Variants in DYTN observed in about 807,000 individuals in gnomAD.
DYTN encodes the protein dystrotelin.
DYTN carries 75 observed loss-of-function variants against 69.6 expected under a neutral mutation model. The ratio of observed to expected loss-of-function variants is 1.08; its 90% CI spans 0.89 to 1.31. The LOEUF (loss-of-function observed/expected upper bound fraction) is 1.31, where lower values mean the gene tolerates loss of function less well. Among genes scored for constraint, DYTN ranks in the 50% most tolerant of loss-of-function variants. The probability of loss-of-function intolerance (pLI) is 0.00; values close to 1 mark genes in which losing one functional copy is unlikely to be tolerated. For synonymous variants in DYTN, 252 were observed against 249.1 expected, an observed-to-expected ratio of 1.01 and a Z score of -0.11; for missense variants, 726 against 688.4, an observed-to-expected ratio of 1.05 and a Z score of -0.61.
intron 9 of DYTN, among the ~76,000 whole-genome samples, chr2:206,687,553 C>T (rs1699824812): frequency 6.6e-6 from 1 of 152,078 alleles, no homozygotes; most frequent in South Asian, 2.1e-4. Flanking sequence ...TACATGCTAT[C>T]ATATATATCT....
intron 8 of DYTN, among the ~76,000 whole-genome samples, chr2:206,693,828 A>T (rs914736795): frequency 6.6e-6 from 1 of 152,252 alleles, no homozygotes; most frequent in African/African-American, 2.4e-5. Context: ...TCAGCACTTG[A>T]AATTTAAAGC....
intron 1 of DYTN, among the ~76,000 whole-genome samples, chr2:206,715,949 G>A (rs1324268543): frequency 2.6e-5 from 4 of 152,202 alleles, no homozygotes; most frequent in African/African-American, 9.6e-5. Flanking sequence ...TTAGCTGGGT[G>A]TGGTGGTGCG....
chr2:206,716,377 C>A (rs4675627), intron 1 of DYTN, among the ~76,000 whole-genome samples: 5 of 151,890 alleles, frequency 3.3e-5, no homozygotes, highest in African/African-American at 9.7e-5. Flanking sequence ...AATGTATATC[C>A]ATCCAACAGT....
intron 4 of DYTN, 56 bp from the exon 5 acceptor site, chr2:206,704,999 G>A: frequency 1.4e-6 from 2 of 1,404,384 alleles, no homozygotes; most frequent in Non-Finnish European, 2.0e-6. Context: ...TATCTTTGAA[G>A]AGTACTTGCT....
chr2:206,663,817 G>A (rs1699539887), intron 10 of DYTN, among the ~76,000 whole-genome samples: 1 of 152,182 alleles, frequency 6.6e-6, no homozygotes. Context: ...AAAATCCAGG[G>A]ATGTGCTCCG....
At chr2:206,659,515 G>T (rs1188175064) in intron 11 of DYTN, among the ~76,000 whole-genome samples, 6 of 143,236 alleles carry the variant, frequency 4.2e-5, no homozygotes, top group Non-Finnish European at 7.5e-5. Flanking sequence ...AAAAAAACTG[G>T]ATCGGTAGGG....
chr2:206,682,010 C>G (rs976075634), intron 9 of DYTN, among the ~76,000 whole-genome samples: 32 of 152,192 alleles, frequency 2.1e-4, no homozygotes, highest in African/African-American at 7.2e-4. Flanking sequence ...TGGTCCTGGA[C>G]TTTTTTTGGT....
chr2:206,654,040 G>T (rs144342439), intron 11 of DYTN, among the ~76,000 whole-genome samples: 1 of 152,126 alleles, frequency 6.6e-6, no homozygotes, highest in Non-Finnish European at 1.5e-5. Context: ...ACAGTGCTTG[G>T]CACACAACAA....
intron 1 of DYTN, among the ~76,000 whole-genome samples, chr2:206,717,139 C>T (rs1700137928): frequency 6.6e-6 from 1 of 151,560 alleles, no homozygotes; most frequent in African/African-American, 2.4e-5. Flanking sequence ...ATGAACAAAG[C>T]AGTTTTAGAT....
intron 9 of DYTN, among the ~76,000 whole-genome samples, chr2:206,678,846 G>C (rs992347274): frequency 2.0e-5 from 3 of 152,146 alleles, no homozygotes; most frequent in Non-Finnish European, 4.4e-5. Flanking sequence ...ATAGCACTTT[G>C]TGATTTGAGA....
intron 10 of DYTN, among the ~76,000 whole-genome samples, chr2:206,664,519 G>T (rs1165178382): frequency 6.6e-6 from 1 of 152,020 alleles, no homozygotes; most frequent in Non-Finnish European, 1.5e-5. Context: ...AAATTAGCTG[G>T]GTGTGCTGGC....
chr2:206,693,175 C>G lies in DYTN; in HGVS notation c.980G>C (p.Arg327Thr), dbSNP rs1452823944. The part of the protein sequence containing the change: ...PKGVPHHAQA[R>T]LLKKQLNQYK... Reference sequence around the variant, plus strand: ...TCAGCCAATCCTCGCAGCCACTCACCTGGCCTGCGCATGGTGAGGCACACC... The same window carrying G: ...TCAGCCAATCCTCGCAGCCACTCACGTGGCCTGCGCATGGTGAGGCACACC... The change falls in exon 9 of 12, where the codon AGG becomes ACG. Residue 327 changes from arginine to threonine, a missense_variant and splice_region_variant. Transcript: ENST00000452335. The G allele has an allele frequency of 2.1e-5, 33 of 1,608,006 alleles. No homozygotes were observed. Among genetic ancestry groups the G allele is most frequent in the Non-Finnish European group, 2.7e-5 (32 of 1,178,132 alleles).
chr2:206,672,107 G>T (rs1452625718), intron 9 of DYTN, among the ~76,000 whole-genome samples: 3 of 152,188 alleles, frequency 2.0e-5, no homozygotes, highest in African/African-American at 7.2e-5. Context: ...ACTTCAAACA[G>T]ATTACCTCTG....
At chr2:206,710,685 A>G in intron 1 of DYTN, 87 bp from the exon 2 acceptor site, 1 of 1,075,758 alleles carries the variant, frequency 9.3e-7, no homozygotes, top group Non-Finnish European at 1.3e-6. Context: ...GAGATCATGT[A>G]AGCTTACTTT....
Position 206,663,281 on chromosome 2 carries a change from T to C in DYTN, c.1255A>G (p.Asn419Asp), listed in dbSNP as rs1338117159. ...CCTGTTGAAGCATCTTCAGTGGCAT[T>C]CTTGATCTGCAAATAATCCCCTCCC... is the stretch of plus-strand genomic sequence containing the variant. ...PKGGDYLQIKNATEDASTGEP... is the reference protein window; with the variant it reads ...PKGGDYLQIKDATEDASTGEP... Residue 419 changes from asparagine to aspartate, a missense_variant, in exon 11 of 12, where the codon AAT (asparagine) becomes GAT (aspartate). Physicochemically the swap from Asn to Asp is conservative, Grantham distance 23 (BLOSUM62 1). Coordinates refer to ENST00000452335, the MANE Select transcript of DYTN (RefSeq NM_001093730.1). 6.2e-7 allele frequency: 1 copy of C among 1,613,912 alleles called. No homozygotes were observed. The highest frequency in any genetic ancestry group is 1.3e-5 in the African/African-American group (1 of 74,940).
At position 206,710,578 on chromosome 2, in the gene DYTN, T is replaced by C; in HGVS notation, c.40A>G (p.Asn14Asp). 6.2e-7 allele frequency: 1 copy of C among 1,610,768 alleles called. No homozygotes were observed. Among genetic ancestry groups the C allele is most frequent in the Non-Finnish European group, 8.5e-7 (1 of 1,178,372 alleles). The part of the protein sequence containing the change: ...DKQDALNSIE[N>D]SIYRTAFKLQ... The stretch of plus-strand genomic sequence containing the variant: ...TTGAAGGCTGTTCTATAAATGGAAT[T>C]CTCAATACTATTAAGAGCATCTGTA... The change falls in exon 2 of 12, where the codon AAT (asparagine) becomes GAT (aspartate). Residue 14 changes from asparagine (N) to aspartate (D), a missense_variant. Asn to Asp is a conservative substitution (Grantham distance 23, BLOSUM62 1). Transcript: ENST00000452335.
rs532408366 is a variant in DYTN, at chr2:206,651,740, A to C, written c.*78T>G. On this transcript the variant is annotated 3_prime_UTR_variant, in exon 12 of 12. Transcript: ENST00000452335. Reference sequence around the variant, plus strand: ...CACTAAACTATTAAAAGAAAGGTAGAAGTCTTAATTCTTTTAATACAGTTG... The same window carrying C: ...CACTAAACTATTAAAAGAAAGGTAGCAGTCTTAATTCTTTTAATACAGTTG... 3.2e-5 allele frequency: 42 copies of C among 1,304,534 alleles called. No homozygotes were observed. The African/African-American group carries it at 5.0e-4, about 16-fold the overall frequency. 80.8% of individuals were successfully genotyped at this position (1,304,534 alleles called of 1,614,324 possible).
In DYTN at chr2:206,700,545, T is replaced by C. The variant is rs191481735; in HGVS notation, c.484-329A>G. Among the ~76,000 whole-genome samples, 35 of 152,324 alleles carry C rather than the reference T, an allele frequency of 2.3e-4. No homozygotes were observed. The East Asian group carries it at 6.4e-3, about 28-fold the overall frequency. On this transcript the variant is annotated intron_variant, in intron 5 of 11. Coordinates refer to ENST00000452335, the MANE Select transcript of DYTN (RefSeq NM_001093730.1). ...TCCTTTCTTTGCCTTTGTTCACCTA[T>C]GAAATGAAGATCACAATAATACTGT...
chr2:206,652,595 A>C (rs1452482460), intron 11 of DYTN, among the ~76,000 whole-genome samples: 1 of 152,232 alleles, frequency 6.6e-6, no homozygotes, highest in Non-Finnish European at 1.5e-5. Context: ...TTTTGTGATA[A>C]AAATTGGAAG....
Sources: allele counts gnomAD v4.1 joint callset (sites outside exome capture counted in the v4.1 genomes callset), GRCh38; gene constraint gnomAD v4.1.1; transcripts MANE v1.5; gene names NCBI Gene and HGNC (gene_info 2026-07-23, HGNC 2026-07-21).